Variants in PTPRG observed in about 807,000 individuals in gnomAD.
The protein encoded by PTPRG is protein tyrosine phosphatase receptor type G.
In PTPRG, 102 loss-of-function variants were observed where a neutral mutation model predicts 165.3. The ratio of observed to expected loss-of-function variants is 0.62; its 90% CI spans 0.53 to 0.73. PTPRG has a LOEUF of 0.73. PTPRG is among the 30% of genes least tolerant of loss of function. The probability of loss-of-function intolerance (pLI) is 0.00; values close to 1 mark genes in which losing one functional copy is unlikely to be tolerated. For missense variants in PTPRG, 1,866 were observed against 1,861.4 expected, an observed-to-expected ratio of 1.00 and a Z score of -0.05; for synonymous variants, 675 against 669.5, an observed-to-expected ratio of 1.01 and a Z score of -0.13.
intron 8 of PTPRG, among the ~76,000 whole-genome samples, chr3:62,180,199 G>T (rs555691124): frequency 1.3e-5 from 2 of 152,152 alleles, no homozygotes; most frequent in African/African-American, 4.8e-5. Context: ...ATTTCCTGAC[G>T]TGGCTGTTGG....
intron 5 of PTPRG, among the ~76,000 whole-genome samples, chr3:62,126,885 G>T (rs1321706972): frequency 6.6e-6 from 1 of 152,146 alleles, no homozygotes; most frequent in African/African-American, 2.4e-5. Flanking sequence ...CAACATCTCT[G>T]ATTCTGCTTT....
At chr3:61,783,284 G>A (rs1163411039) in intron 2 of PTPRG, among the ~76,000 whole-genome samples, 2 of 152,174 alleles carry the variant, frequency 1.3e-5, no homozygotes, top group Non-Finnish European at 2.9e-5. Flanking sequence ...AGGCAGCAAT[G>A]AGCTGTGTTT....
chr3:62,245,725 C>T lies in PTPRG; in HGVS notation c.2467+1827C>T, dbSNP rs548209557. On this transcript the variant is annotated intron_variant, in intron 15 of 29. Coordinates refer to ENST00000474889, the MANE Select transcript of PTPRG (RefSeq NM_002841.4). This position sits in a 1 kb window ranked among gnomAD's most constrained non-coding sequence, Gnocchi z 4.2. ...AGCACTTTGGAAACCATACATTAAG[C>T]GAAACGTGTAAGCTGTTGCAACTTT... 4.6e-5 allele frequency among the ~76,000 whole-genome samples: 7 copies of T among 152,138 alleles called. No individual in the cohort carries two copies. The highest frequency in any genetic ancestry group is 7.4e-5 in the Non-Finnish European group (5 of 67,982).
In PTPRG at chr3:62,200,306, G is replaced by T. The variant is rs1046561211; in HGVS notation, c.1328-1199G>T. On this transcript the variant is annotated intron_variant, in intron 10 of 29. Transcript: ENST00000474889. ...ATTTTTTTTGAGACAAAGTCTTGCTGTGTCATCAGGCTGGAATGCAATGAT... is the reference window on the plus strand; with the variant it reads ...ATTTTTTTTGAGACAAAGTCTTGCTTTGTCATCAGGCTGGAATGCAATGAT... Among the ~76,000 whole-genome samples the T allele has an allele frequency of 2.6e-5, 4 of 151,772 alleles. No homozygotes were observed. The South Asian group carries it at 6.2e-4, about 24-fold the overall frequency.
At chr3:62,116,322 A>T (rs1297572232) in intron 5 of PTPRG, among the ~76,000 whole-genome samples, 1 of 152,154 alleles carries the variant, frequency 6.6e-6, no homozygotes, top group Non-Finnish European at 1.5e-5. Flanking sequence ...CTTTCCTGAA[A>T]TGTTACACCC....
intron 1 of PTPRG, among the ~76,000 whole-genome samples, chr3:61,604,922 G>A (rs1039797001): frequency 1.3e-5 from 2 of 152,112 alleles, no homozygotes; most frequent in African/African-American, 4.8e-5. Flanking sequence ...CAAGTCACTC[G>A]GTCTGCTAGA....
chr3:62,191,152 G>T (rs942328085), intron 8 of PTPRG, among the ~76,000 whole-genome samples: 6 of 151,966 alleles, frequency 3.9e-5, no homozygotes, highest in Non-Finnish European at 2.9e-5. Context: ...TCCCGTGCAC[G>T]TGTGTGTGCG....
chr3:62,292,681 G>A (rs1289927717), intron 29 of PTPRG, 125 bp downstream of exon 29: 2 of 1,160,106 alleles, frequency 1.7e-6, no homozygotes, highest in Non-Finnish European at 2.4e-6. Flanking sequence ...CATGTCTGGA[G>A]ACTTTTTTGC....
rs534685113 is a variant in PTPRG, at chr3:61,807,011, A to G, written c.190+58029A>G. 3.9e-5 allele frequency among the ~76,000 whole-genome samples: 6 copies of G among 152,306 alleles called. No individual in the cohort carries two copies. In the South Asian group the frequency reaches 1.2e-3, roughly 32 times the overall value. ...ATCATGCCTTTTATCTTGCCATTTA[A>G]AAATTCTTCATTTTCTGCACCCAAG... On this transcript the variant is annotated intron_variant, in intron 2 of 29. Transcript: ENST00000474889.
At chr3:61,651,365 C>CTTT (rs11372460) in intron 1 of PTPRG, among the ~76,000 whole-genome samples, 2 of 147,594 alleles carry the variant, frequency 1.4e-5, no homozygotes, top group South Asian at 2.1e-4. Context: ...TGTTAATAAT[C>CTTT]TTTTTTTTTT....
chr3:61,635,415 G>A (rs948263167), intron 1 of PTPRG, among the ~76,000 whole-genome samples: 11 of 151,134 alleles, frequency 7.3e-5, no homozygotes, highest in Admixed American at 5.9e-4. Flanking sequence ...GGAGTGCAGC[G>A]GCATGATCTC....
chr3:61,833,009 A>G (rs2036347916), intron 2 of PTPRG, among the ~76,000 whole-genome samples: 1 of 151,556 alleles, frequency 6.6e-6, no homozygotes, highest in South Asian at 2.1e-4. Context: ...ATCCCATTCC[A>G]TCCAGGTTGC....
intron 4 of PTPRG, among the ~76,000 whole-genome samples, chr3:62,057,170 G>C (rs1170686191): frequency 6.6e-6 from 1 of 152,024 alleles, no homozygotes; most frequent in East Asian, 1.9e-4. Flanking sequence ...AGTTTTAATG[G>C]GCCTTACCTG....
intron 2 of PTPRG, among the ~76,000 whole-genome samples, chr3:61,936,643 C>T (rs1299865734): frequency 6.6e-6 from 1 of 152,064 alleles, no homozygotes; most frequent in African/African-American, 2.4e-5. Flanking sequence ...CTGTGTAGCT[C>T]CAATTTTTTC....
intron 2 of PTPRG, among the ~76,000 whole-genome samples, chr3:61,932,344 C>A (rs1380598208): frequency 6.6e-6 from 1 of 152,224 alleles, no homozygotes; most frequent in Non-Finnish European, 1.5e-5. Flanking sequence ...CATTTCATTT[C>A]TGTTGCATAA....
At chr3:62,283,838 A>G (rs1001593507) in intron 28 of PTPRG, among the ~76,000 whole-genome samples, 6 of 152,128 alleles carry the variant, frequency 3.9e-5, no homozygotes, top group Non-Finnish European at 5.9e-5. Context: ...GCTGCTTCCA[A>G]AAAATTTTAC....
chr3:62,137,789 G>A (rs916941392), intron 6 of PTPRG, among the ~76,000 whole-genome samples: 2 of 152,158 alleles, frequency 1.3e-5, no homozygotes, highest in Non-Finnish European at 2.9e-5. Flanking sequence ...ATCGAGAAAC[G>A]ATTCATTGTT....
chr3:62,084,988 A>G (rs1701698861), intron 5 of PTPRG, among the ~76,000 whole-genome samples: 1 of 152,220 alleles, frequency 6.6e-6, no homozygotes, highest in South Asian at 2.1e-4. Context: ...ATAGCTTATT[A>G]GCTACAAATT....
Position 61,987,492 on chromosome 3 carries a change from G to C in PTPRG, c.191-2133G>C, listed in dbSNP as rs374413856. Among the ~76,000 whole-genome samples the C allele has an allele frequency of 1.6e-4, 24 of 152,264 alleles. 1 individual carries two copies. In the South Asian group the frequency reaches 4.8e-3, roughly 30 times the overall value. On this transcript the variant is annotated intron_variant, in intron 2 of 29. Transcript: ENST00000474889. Reference sequence around the variant, plus strand: ...GTTAGTAGTAGGAGGAGAATTATCAGGTATCTGTTTTTACAAATGATGGCT... The same window carrying C: ...GTTAGTAGTAGGAGGAGAATTATCACGTATCTGTTTTTACAAATGATGGCT...
Sources: gnomAD v4.1 joint callset for allele counts (sites outside exome capture counted in the v4.1 genomes callset) on GRCh38, gnomAD v4.1.1 for gene constraint, Gnocchi (gnomAD v3.1) non-coding constraint, MANE v1.5 for transcripts, NCBI Gene and HGNC (gene_info 2026-07-23, HGNC 2026-07-21) for gene names.